NAALADL2: variants seen among roughly 807,000 people sequenced by gnomAD.
NAALADL2 encodes the protein N-acetylated alpha-linked acidic dipeptidase like 2.
NAALADL2 carries 76 observed loss-of-function variants against 87.2 expected under a neutral mutation model. The observed-to-expected ratio is 0.87, with a 90% CI of 0.72 to 1.05. The LOEUF is 1.05. Ranked by LOEUF, NAALADL2 falls within the 50% of genes least tolerant of loss-of-function variation. The pLI, the probability that NAALADL2 is intolerant of heterozygous loss-of-function variation, is 0.00. For synonymous variants in NAALADL2, 354 were observed against 331.0 expected (o/e 1.07, Z -0.75); for missense variants, 1,089 against 945.8 (o/e 1.15, Z -1.99).
At chr3:174,957,290 T>C (rs1001794831) in intron 1 of NAALADL2, among the ~76,000 whole-genome samples, 10 of 151,904 alleles carry the variant, frequency 6.6e-5, no homozygotes, top group African/African-American at 2.2e-4. Flanking sequence ...GACAGCACAA[T>C]GAGTCAGAAG....
intron 1 of NAALADL2, among the ~76,000 whole-genome samples, chr3:175,082,566 C>A (rs184394427): frequency 6.6e-6 from 1 of 152,276 alleles, no homozygotes; most frequent in Admixed American, 6.5e-5. Flanking sequence ...CAGGGAGAAG[C>A]ACTTTATTTT....
chr3:175,248,110 G>A (rs192518678), intron 3 of NAALADL2, among the ~76,000 whole-genome samples: 6 of 152,210 alleles, frequency 3.9e-5, no homozygotes, highest in Non-Finnish European at 8.8e-5. Flanking sequence ...GCAAAGAATC[G>A]ATAACAATGT....
intron 1 of NAALADL2, among the ~76,000 whole-genome samples, chr3:174,889,936 C>G (rs556780946): frequency 6.6e-6 from 1 of 152,238 alleles, no homozygotes; most frequent in Non-Finnish European, 1.5e-5. Context: ...GGACTGGCAG[C>G]TCAGATGTGA....
chr3:175,059,639 G>T (rs113978407), intron 1 of NAALADL2: 3 of 360,532 alleles, frequency 8.3e-6, no homozygotes, highest in African/African-American at 4.4e-5. Flanking sequence ...ATGTTTTTTG[G>T]CTTTCTTTGA....
chr3:175,664,619 G>T lies in NAALADL2; in HGVS notation c.1896+37233G>T, dbSNP rs554273307. On this transcript the variant is annotated intron_variant, in intron 11 of 13. Transcript: ENST00000454872. ...AGAACTTAGCCATAGAACAATATTTGTATTTTTGATTTTTTTTGTATTAAA... is the reference window on the plus strand; with the variant it reads ...AGAACTTAGCCATAGAACAATATTTTTATTTTTGATTTTTTTTGTATTAAA... Among the ~76,000 whole-genome samples the T allele has an allele frequency of 2.6e-5, 4 of 152,028 alleles. No homozygotes were observed. The South Asian group carries it at 8.3e-4, about 32-fold the overall frequency.
At chr3:174,511,910 G>T (rs1578057052) in intron 1 of NAALADL2, among the ~76,000 whole-genome samples, 1 of 152,044 alleles carries the variant, frequency 6.6e-6, no homozygotes, top group Non-Finnish European at 1.5e-5. Flanking sequence ...TCATGTAAAA[G>T]TATAAGAATC....
At chr3:175,558,194 CAAAAAAAAAAA>C (rs71164638) in intron 9 of NAALADL2, among the ~76,000 whole-genome samples, 2 of 82,436 alleles carry the variant, frequency 2.4e-5, no homozygotes, top group South Asian at 4.9e-4. Context: ...GACCCCGTCT[CAAAAAAAAAAA>C]AAAAAAAAAA....
At chr3:175,581,951 T>C (rs1204874567) in intron 10 of NAALADL2, among the ~76,000 whole-genome samples, 1 of 152,230 alleles carries the variant, frequency 6.6e-6, no homozygotes, top group Non-Finnish European at 1.5e-5. Context: ...TGAGTATTGC[T>C]ATCCCATTCA....
At chr3:175,472,179 G>A (rs138754315) in intron 9 of NAALADL2, among the ~76,000 whole-genome samples, 244 of 151,392 alleles carry the variant, frequency 1.6e-3, no homozygotes, top group African/African-American at 5.4e-3. Context: ...TAGGCCCCCC[G>A]AGAGCAAGAA....
chr3:174,642,507 TAAAAA>T (rs10576356), intron 2 of NAALADL2, among the ~76,000 whole-genome samples: 28 of 122,542 alleles, frequency 2.3e-4, no homozygotes, highest in Admixed American at 2.4e-4. Context: ...TCTCTGGGGA[TAAAAA>T]AAAAAAAAAA....
chr3:175,096,965 C>T lies in NAALADL2; in HGVS notation c.219C>T (p.Asn73=). Reference sequence around the variant, plus strand: ...AGCTAGACGGTGCTGAGAATCAGAACCTAGGGCATTCAGAGACTATAGACC... The same window carrying T: ...AGCTAGACGGTGCTGAGAATCAGAATCTAGGGCATTCAGAGACTATAGACC... ...QFQLDGAENQ[N]LGHSETIDLN... is the part of the protein sequence containing the mutation. Residue 73 remains asparagine, a synonymous_variant, in exon 2 of 14, where the codon AAC becomes AAT. Transcript: ENST00000454872. The T allele has an allele frequency of 1.9e-6, 3 of 1,613,316 alleles. No individual in the cohort carries two copies. Among genetic ancestry groups the T allele is most frequent in the Non-Finnish European group, 2.5e-6 (3 of 1,179,608 alleles).
intron 2 of NAALADL2, among the ~76,000 whole-genome samples, chr3:174,652,942 T>C (rs927485601): frequency 6.6e-6 from 1 of 152,164 alleles, no homozygotes; most frequent in African/African-American, 2.4e-5. Flanking sequence ...AAAGAGCCAG[T>C]AATCATATGA....
At chr3:175,079,906 T>C (rs2109226834) in intron 1 of NAALADL2, among the ~76,000 whole-genome samples, 1 of 152,270 alleles carries the variant, frequency 6.6e-6, no homozygotes, top group East Asian at 1.9e-4. Flanking sequence ...AATTTTTGAT[T>C]CCTAGCAAAT....
chr3:174,977,008 C>T (rs1402697365), intron 1 of NAALADL2, among the ~76,000 whole-genome samples: 13 of 152,118 alleles, frequency 8.5e-5, no homozygotes, highest in Non-Finnish European at 1.9e-4. Context: ...TAATTATATT[C>T]TGGAGATCAA....
intron 1 of NAALADL2, among the ~76,000 whole-genome samples, chr3:174,905,755 G>GTATC (rs1732883174): frequency 6.6e-6 from 1 of 151,980 alleles, no homozygotes; most frequent in African/African-American, 2.4e-5. Context: ...AATCTCTATT[G>GTATC]TGGTATCTGA....
At chr3:175,089,041 A>G (rs551999995) in intron 1 of NAALADL2, among the ~76,000 whole-genome samples, 7 of 152,144 alleles carry the variant, frequency 4.6e-5, no homozygotes, top group Non-Finnish European at 8.8e-5. Context: ...AAAATTGTAA[A>G]TGTTGTTAAG....
intron 1 of NAALADL2, among the ~76,000 whole-genome samples, chr3:174,868,837 C>A (rs1471352066): frequency 6.6e-6 from 1 of 151,600 alleles, no homozygotes; most frequent in Admixed American, 6.6e-5. Context: ...TGAGACTAGA[C>A]CTTGGGAGAG....
intron 2 of NAALADL2, among the ~76,000 whole-genome samples, chr3:174,602,504 T>G (rs987381300): frequency 1.5e-4 from 23 of 152,086 alleles, no homozygotes; most frequent in African/African-American, 5.3e-4. Flanking sequence ...ATTGTAATAG[T>G]TTTCTTGTGG....
chr3:174,775,261 T>A (rs923705778), intron 3 of NAALADL2, among the ~76,000 whole-genome samples: 1 of 150,796 alleles, frequency 6.6e-6, no homozygotes, highest in Admixed American at 6.6e-5. Context: ...TCACCTCCCC[T>A]AAAAAAAATC....
Sources: allele counts gnomAD v4.1 joint callset (sites outside exome capture counted in the v4.1 genomes callset), GRCh38; gene constraint gnomAD v4.1.1; transcripts MANE v1.5; gene names NCBI Gene and HGNC (gene_info 2026-07-23, HGNC 2026-07-21).